The following TMEM117 variants were observed in gnomAD, a reference collection of about 807,000 sequenced individuals.
TMEM117 encodes the protein transmembrane protein 117.
Under a neutral mutation model 52.4 loss-of-function variants are expected in TMEM117, and 27 were observed. The observed-to-expected ratio is 0.51, with a 90% CI of 0.38 to 0.71. The LOEUF (loss-of-function observed/expected upper bound fraction) is 0.71. Ranked by LOEUF, TMEM117 falls within the 30% of genes least tolerant of loss-of-function variation. The probability of loss-of-function intolerance (pLI) is 0.00; values close to 1 mark genes in which losing one functional copy is unlikely to be tolerated. For synonymous variants in TMEM117, 215 were observed against 206.3 expected, an observed-to-expected ratio of 1.04 and a Z score of -0.36; for missense variants, 556 against 630.5, an observed-to-expected ratio of 0.88 and a Z score of 1.26.
intron 3 of TMEM117, among the ~76,000 whole-genome samples, chr12:44,040,300 A>G (rs1946776606): frequency 1.3e-5 from 2 of 152,140 alleles, no homozygotes; most frequent in African/African-American, 4.8e-5. Flanking sequence ...ATCATATTTA[A>G]CAACTGGCTC....
At chr12:43,840,247 G>A (rs1943096335) in intron 1 of TMEM117, among the ~76,000 whole-genome samples, 1 of 152,142 alleles carries the variant, frequency 6.6e-6, no homozygotes, top group Non-Finnish European at 1.5e-5. Context: ...TCTTTACAAG[G>A]TACGGAACTC....
chr12:44,316,625 C>T (rs1951058079), intron 6 of TMEM117, among the ~76,000 whole-genome samples: 1 of 152,096 alleles, frequency 6.6e-6, no homozygotes, highest in South Asian at 2.1e-4. Context: ...GGGTGTCTAC[C>T]TCTTTAAAAA....
the TMEM117 span, chr12:43,806,128 G>A: frequency 6.5e-7 from 1 of 1,527,242 alleles, no homozygotes; most frequent in Non-Finnish European, 8.8e-7. Flanking sequence ...GGAGCTCCCG[G>A]CCCGACTCCA....
chr12:44,292,234 A>G (rs767961326), intron 5 of TMEM117, among the ~76,000 whole-genome samples: 3 of 151,856 alleles, frequency 2.0e-5, no homozygotes, highest in Non-Finnish European at 4.4e-5. Context: ...AGGTTATCCA[A>G]TTTGTTGGAA....
At chr12:43,997,315 G>A (rs1592425996) in intron 3 of TMEM117, among the ~76,000 whole-genome samples, 2 of 152,248 alleles carry the variant, frequency 1.3e-5, no homozygotes, top group African/African-American at 4.8e-5. Context: ...ATGATGCATA[G>A]GTACCTGCTT....
chr12:44,318,215 G>A (rs12816544), intron 6 of TMEM117: 2 of 152,388 alleles, frequency 1.3e-5, no homozygotes, highest in Admixed American at 1.3e-4. Context: ...CCTAAGCATG[G>A]AGTGGAGAGG....
intron 6 of TMEM117, among the ~76,000 whole-genome samples, chr12:44,313,257 T>G (rs75890682): frequency 0.028 from 4,288 of 152,320 alleles, 99 homozygotes; most frequent in African/African-American, 0.055. Flanking sequence ...CATTTAAATC[T>G]TTAATCCCAT....
chr12:44,328,819 TA>T (rs1951230152), intron 6 of TMEM117, among the ~76,000 whole-genome samples: 1 of 152,052 alleles, frequency 6.6e-6, no homozygotes, highest in Non-Finnish European at 1.5e-5. Context: ...TTCTTAAATA[TA>T]GATTTTATCA....
intron 3 of TMEM117, among the ~76,000 whole-genome samples, chr12:43,978,408 G>A (rs1348431834): frequency 6.6e-6 from 1 of 152,166 alleles, no homozygotes; most frequent in Admixed American, 6.6e-5. Context: ...AGGCTGAACG[G>A]AAAAGGTCTC....
chr12:43,940,787 G>A (rs922148154), intron 2 of TMEM117, among the ~76,000 whole-genome samples: 1 of 152,016 alleles, frequency 6.6e-6, no homozygotes, highest in African/African-American at 2.4e-5. Flanking sequence ...CAGGTGATCC[G>A]CCTGCCTCGG....
At chr12:43,801,338 A>G in the TMEM117 span, among the ~76,000 whole-genome samples, 1 of 152,204 alleles carries the variant, frequency 6.6e-6, no homozygotes, top group Admixed American at 6.5e-5. Flanking sequence ...CCAATTAACA[A>G]ATAATTTCAT....
chr12:43,800,715 T>C, the TMEM117 span, among the ~76,000 whole-genome samples: 3 of 152,144 alleles, frequency 2.0e-5, no homozygotes, highest in African/African-American at 7.2e-5. Context: ...ATCTAAACTA[T>C]CAATGGTTAG....
chr12:43,931,656 A>G (rs1041967632), intron 2 of TMEM117, among the ~76,000 whole-genome samples: 1 of 152,150 alleles, frequency 6.6e-6, no homozygotes, highest in Non-Finnish European at 1.5e-5. Context: ...TTTATTTGCT[A>G]TTTCTATCAA....
At chr12:43,933,511 A>G (rs1944905110) in intron 2 of TMEM117, among the ~76,000 whole-genome samples, 1 of 152,064 alleles carries the variant, frequency 6.6e-6, no homozygotes, top group South Asian at 2.1e-4. Flanking sequence ...AGTAATACTA[A>G]TTTTTAACAA....
chr12:43,834,291 T>C (rs1456601794), upstream of TMEM117, among the ~76,000 whole-genome samples: 2 of 152,130 alleles, frequency 1.3e-5, no homozygotes, highest in Non-Finnish European at 2.9e-5. Flanking sequence ...GAGAATAATA[T>C]TAATTACAGT....
chr12:44,394,051 T>C (rs748998949), downstream of TMEM117, among the ~76,000 whole-genome samples: 2 of 152,148 alleles, frequency 1.3e-5, no homozygotes, highest in African/African-American at 2.4e-5. Context: ...AAAAAAAGAT[T>C]AGCTAATGGC....
chr12:44,076,469 T>G (rs921494038), intron 3 of TMEM117, among the ~76,000 whole-genome samples: 2 of 152,212 alleles, frequency 1.3e-5, no homozygotes, highest in African/African-American at 2.4e-5. Flanking sequence ...CTCTTCTTTA[T>G]AAAAACTAAT....
At chr12:43,813,908 C>T in the TMEM117 span, among the ~76,000 whole-genome samples, 3 of 151,978 alleles carry the variant, frequency 2.0e-5, no homozygotes, top group East Asian at 1.9e-4. Context: ...CAACCATTGT[C>T]AGTGCCCTGA....
chr12:44,276,477 A>G (rs1950512268), intron 5 of TMEM117, among the ~76,000 whole-genome samples: 1 of 152,134 alleles, frequency 6.6e-6, no homozygotes, highest in Admixed American at 6.6e-5. Context: ...AATGGGTATC[A>G]GCAGCTGGGG....
Sources: gnomAD v4.1 joint callset for allele counts (sites outside exome capture counted in the v4.1 genomes callset) on GRCh38, gnomAD v4.1.1 for gene constraint, MANE v1.5 for transcripts, NCBI Gene and HGNC (gene_info 2026-07-23, HGNC 2026-07-21) for gene names.